ZNF211: variants seen among roughly 807,000 people sequenced by gnomAD.
The protein encoded by ZNF211 is zinc finger protein 211.
ZNF211 carries 18 observed loss-of-function variants against 12.1 expected under a neutral mutation model. That is an observed-to-expected ratio of 1.48 (90% CI 1.03 to 2.20). ZNF211 has a LOEUF of 2.20. ZNF211 is among the 30% of genes most tolerant of loss of function. The pLI is 0.00. For missense variants in ZNF211, 677 were observed against 703.1 expected (o/e 0.96, Z 0.42); for synonymous variants, 249 against 246.0 (o/e 1.01, Z -0.11).
At position 57,633,357 on chromosome 19, in the gene ZNF211, TC is replaced by T. The variant is rs762825836; in HGVS notation, c.17del (p.Pro6ArgfsTer20). 15 of 1,593,200 alleles carry T rather than the reference TC, an allele frequency of 9.4e-6. No homozygotes were observed. Among genetic ancestry groups the T allele is most frequent in the East Asian group, 9.1e-5 (4 of 44,190 alleles). The stretch of plus-strand genomic sequence containing the variant: ...GGCCTGGGGATAGCGATGCTCGGGT[TC>T]CCCCCGGGTCGCCCGCAGCTCCCGG... MLG[F>X]PPGRPQLPVQ... On this transcript the variant is annotated frameshift_variant, in exon 1 of 4. Coordinates refer to ENST00000240731, the MANE Select transcript of ZNF211 (RefSeq NM_006385.5). LOFTEE classifies it high-confidence loss of function.
intron 3 of ZNF211, among the ~76,000 whole-genome samples, chr19:57,639,439 T>TTTA (rs1982589103): frequency 9.7e-6 from 1 of 102,572 alleles, no homozygotes; most frequent in African/African-American, 4.0e-5. Flanking sequence ...TTTTTTTTTT[T>TTTA]AATGGTGTCT....
At chr19:57,636,724 G>A (rs1982193422) in intron 3 of ZNF211, among the ~76,000 whole-genome samples, 1 of 152,102 alleles carries the variant, frequency 6.6e-6, no homozygotes, top group East Asian at 1.9e-4. Context: ...ATTTTAGGAT[G>A]GATTTTTTTA....
In ZNF211 at chr19:57,641,549, A is replaced by G; in HGVS notation, c.1102A>G (p.Asn368Asp). Residue 368 changes from asparagine to aspartate, a missense_variant, in exon 4 of 4, where the codon AAC (asparagine) becomes GAC (aspartate). Coordinates refer to ENST00000240731, the MANE Select transcript of ZNF211 (RefSeq NM_006385.5). ...ECGKSFSQRS[N>D]LMQHRRVHTG... is the part of the protein sequence containing the mutation. ...TGGGAAATCTTTTAGCCAAAGGTCCAACCTCATGCAGCATCGCAGAGTTCA... is the reference window on the plus strand; with the variant it reads ...TGGGAAATCTTTTAGCCAAAGGTCCGACCTCATGCAGCATCGCAGAGTTCA... 1 of 1,614,176 alleles carries G rather than the reference A, an allele frequency of 6.2e-7. No homozygotes were observed. The highest frequency in any genetic ancestry group is 8.5e-7 in the Non-Finnish European group (1 of 1,180,030).
chr19:57,639,368 T>G (rs1189505668), intron 3 of ZNF211, among the ~76,000 whole-genome samples: 3 of 140,780 alleles, frequency 2.1e-5, no homozygotes, highest in African/African-American at 8.0e-5. Flanking sequence ...TTTTTTTTTT[T>G]TTTTTTTAGT....
At position 57,641,142 on chromosome 19, in the gene ZNF211, C is replaced by T. The variant is rs191070229; in HGVS notation, c.695C>T (p.Ala232Val). ...GEKPNNSNKC[A>V]VAFYSGKSHH... ...AAGCCAAATAACAGTAACAAGTGTG[C>T]GGTGGCCTTTTACAGTGGAAAAAGT... is the stretch of plus-strand genomic sequence containing the variant. Residue 232 changes from alanine (A) to valine (V), a missense_variant, in exon 4 of 4, where the codon GCG becomes GTG. Transcript: ENST00000240731. 3.1e-4 allele frequency: 505 copies of T among 1,614,134 alleles called. No homozygotes were observed. Among genetic ancestry groups the T allele is most frequent in the Admixed American group, 1.2e-4 (7 of 60,028 alleles).
chr19:57,639,966 C>G, intron 3 of ZNF211: 1 of 1,521,456 alleles, frequency 6.6e-7, no homozygotes, highest in Non-Finnish European at 8.8e-7. Context: ...GGGGAAGTGC[C>G]CTCTGTTCTT....
Position 57,633,208 on chromosome 19 carries a change from T to G in ZNF211, c.-139T>G, listed in dbSNP as rs1446580344. The stretch of plus-strand genomic sequence containing the variant: ...GCGTCTTCGCAGCGGTCATTTTGGC[T>G]GCCCTCCCGGAGGTCCGTTCTGTCT... On this transcript the variant is annotated 5_prime_UTR_variant, in exon 1 of 4. Coordinates refer to ENST00000240731, the MANE Select transcript of ZNF211 (RefSeq NM_006385.5). 2.2e-5 allele frequency: 18 copies of G among 832,410 alleles called. No homozygotes were observed. Among genetic ancestry groups the G allele is most frequent in the Non-Finnish European group, 3.0e-5 (17 of 571,084 alleles). 51.6% of individuals were successfully genotyped at this position (832,410 alleles called of 1,614,324 possible).
intron 3 of ZNF211, among the ~76,000 whole-genome samples, chr19:57,638,089 G>C (rs1376416937): frequency 2.0e-5 from 3 of 151,826 alleles, no homozygotes; most frequent in African/African-American, 7.3e-5. Context: ...AGTAGAGATG[G>C]GGTTTCACCA....
At chr19:57,636,252 C>T (rs1982118544) in intron 3 of ZNF211, among the ~76,000 whole-genome samples, 1 of 152,056 alleles carries the variant, frequency 6.6e-6, no homozygotes, top group Non-Finnish European at 1.5e-5. Context: ...TTGATGAATT[C>T]AGTTTTACTT....
At chr19:57,637,110 C>T (rs1233956432) in intron 3 of ZNF211, among the ~76,000 whole-genome samples, 1 of 152,026 alleles carries the variant, frequency 6.6e-6, no homozygotes, top group Non-Finnish European at 1.5e-5. Context: ...TATGGTATTC[C>T]ATGTATATCA....
rs762098323 is a variant in ZNF211 at position 57,639,977 on chromosome 19, C to A, written c.257-727C>A. On this transcript the variant is annotated intron_variant, in intron 3 of 3. Transcript: ENST00000240731. ...GCTAGGGGAAGTGCCCTCTGTTCTT[C>A]ACAGGATGTTCATGACTCCAGCCTC... is the stretch of plus-strand genomic sequence containing the variant. 9.8e-6 allele frequency: 15 copies of A among 1,535,858 alleles called. No individual in the cohort carries two copies. In the South Asian group the frequency reaches 1.8e-4, roughly 18 times the overall value.
chr19:57,641,590 T>G lies in ZNF211; in HGVS notation c.1143T>G (p.Pro381=), dbSNP rs1982951845. The G allele has an allele frequency of 6.2e-7, 1 of 1,613,884 alleles. No individual in the cohort carries two copies. The highest frequency in any genetic ancestry group is 8.5e-7 in the Non-Finnish European group (1 of 1,180,004). The change falls in exon 4 of 4, where the codon CCT becomes CCG. Residue 381 remains proline (P), a synonymous_variant. Transcript: ENST00000240731. ...QHRRVHTGER[P]YECSECGKSF... ...GCAGAGTTCACACTGGAGAAAGGCCTTATGAATGCAGCGAATGTGGGAAAT... is the reference window on the plus strand; with the variant it reads ...GCAGAGTTCACACTGGAGAAAGGCCGTATGAATGCAGCGAATGTGGGAAAT...
At chr19:57,633,840 G>T in intron 1 of ZNF211, 183 bp from the exon 2 acceptor site, 1 of 1,596,590 alleles carries the variant, frequency 6.3e-7, no homozygotes, top group Non-Finnish European at 8.5e-7. Context: ...GAGGCAGAGG[G>T]AGGTTGAATA....
chr19:57,641,119 GC>G lies in ZNF211; in HGVS notation c.674del (p.Pro225GlnfsTer30), dbSNP rs1279986020. 2 of 1,614,074 alleles carry G rather than the reference GC, an allele frequency of 1.2e-6. No homozygotes were observed. The highest frequency in any genetic ancestry group is 1.7e-6 in the Non-Finnish European group (2 of 1,180,040). On this transcript the variant is annotated frameshift_variant, in exon 4 of 4. Coordinates refer to ENST00000240731, the MANE Select transcript of ZNF211 (RefSeq NM_006385.5). LOFTEE classifies it low-confidence loss of function (END_TRUNC). ...HQDATQTGEKPNNSNKCAVAF... is the reference protein window; with the variant it reads ...HQDATQTGEKXNNSNKCAVAF... ...AAGACGCCACTCAAACAGGGGAGAA[GC>G]CAAATAACAGTAACAAGTGTGCGGT... is the stretch of plus-strand genomic sequence containing the variant.
At chr19:57,640,537 G>A (rs1409983459) in intron 3 of ZNF211, among the ~76,000 whole-genome samples, 167 bp from the exon 4 acceptor site, 1 of 152,182 alleles carries the variant, frequency 6.6e-6, no homozygotes. Context: ...TAACCTTAGG[G>A]ACAAGTAATG....
intron 3 of ZNF211, among the ~76,000 whole-genome samples, chr19:57,635,739 T>A (rs1455855036): frequency 6.6e-6 from 1 of 152,196 alleles, no homozygotes; most frequent in Non-Finnish European, 1.5e-5. Context: ...TCAATTCTTT[T>A]GGGTATTGGC....
chr19:57,638,759 CTT>C (rs1244056350), intron 3 of ZNF211, among the ~76,000 whole-genome samples: 1 of 152,164 alleles, frequency 6.6e-6, no homozygotes, highest in Non-Finnish European at 1.5e-5. Flanking sequence ...TGTTTTCTCT[CTT>C]CTCTCTGATT....
rs548199245 is a variant in ZNF211 at position 57,640,885 on chromosome 19, C to T, written c.438C>T (p.Cys146=). The T allele has an allele frequency of 1.1e-5, 18 of 1,614,206 alleles. No homozygotes were observed. The highest frequency in any genetic ancestry group is 5.5e-5 in the South Asian group (5 of 91,078). The part of the protein sequence containing the change: ...LHLAEHQGTN[C]GQKLHTCGKQ... ...TGGCTGAACACCAAGGAACAAACTG[C>T]GGGCAGAAACTACACACATGTGGAA... The change falls in exon 4 of 4, where the codon TGC becomes TGT. Residue 146 remains cysteine, a synonymous_variant. Coordinates refer to ENST00000240731, the MANE Select transcript of ZNF211 (RefSeq NM_006385.5).
intron 3 of ZNF211, chr19:57,640,130 G>C: frequency 6.8e-7 from 1 of 1,481,078 alleles, no homozygotes; most frequent in Non-Finnish European, 9.0e-7. Context: ...CATTGCCAGA[G>C]ACACTTCACT....
Sources: allele counts gnomAD v4.1 joint callset (sites outside exome capture counted in the v4.1 genomes callset), GRCh38; gene constraint gnomAD v4.1.1; transcripts MANE v1.5; gene names NCBI Gene and HGNC (gene_info 2026-07-23, HGNC 2026-07-21).